The following AGBL1 variants were observed in gnomAD, a reference collection of about 807,000 sequenced individuals.
AGBL1 encodes the protein AGBL carboxypeptidase 1.
Under a neutral mutation model 118.9 loss-of-function variants are expected in AGBL1, and 130 were observed. That is an observed-to-expected ratio of 1.09 (90% CI 0.95 to 1.26). AGBL1 has a LOEUF of 1.26. Ranked by LOEUF, AGBL1 falls within the 50% of genes most tolerant of loss-of-function variation. The pLI, the probability that AGBL1 is intolerant of heterozygous loss-of-function variation, is 0.00. For synonymous variants in AGBL1, 555 were observed against 478.9 expected (o/e 1.16, Z -2.08); for missense variants, 1,584 against 1,298.1 (o/e 1.22, Z -3.38).
intron 17 of AGBL1, among the ~76,000 whole-genome samples, chr15:86,320,951 A>C (rs1318222007): frequency 6.6e-6 from 1 of 152,128 alleles, no homozygotes; most frequent in Non-Finnish European, 1.5e-5. Flanking sequence ...GAATAAATCC[A>C]TTTGTCATCA....
rs187580716 is a variant in AGBL1, at chr15:87,008,846, A to G, written c.3324-19979A>G. On this transcript the variant is annotated intron_variant, in intron 24 of 24. Coordinates refer to the AGBL1 transcript ENST00000441037. ...CCCCTGCCCTAGAGATTTGTGGAACACTGAACTTCAGAGAGATGATTTAGG... is the reference window on the plus strand; with the variant it reads ...CCCCTGCCCTAGAGATTTGTGGAACGCTGAACTTCAGAGAGATGATTTAGG... Among the ~76,000 whole-genome samples the G allele has an allele frequency of 3.9e-4, 59 of 152,314 alleles. No individual in the cohort carries two copies. In the East Asian group the frequency reaches 9.9e-3, roughly 25 times the overall value.
intron 22 of AGBL1, among the ~76,000 whole-genome samples, chr15:86,754,842 C>T (rs2077912231): frequency 6.6e-6 from 1 of 152,070 alleles, no homozygotes; most frequent in Non-Finnish European, 1.5e-5. Flanking sequence ...CAAGAGAAAA[C>T]CCAATCTGTC....
At chr15:86,426,038 T>C (rs750033821) in intron 18 of AGBL1, among the ~76,000 whole-genome samples, 3 of 152,174 alleles carry the variant, frequency 2.0e-5, no homozygotes, top group Admixed American at 1.3e-4. Flanking sequence ...AACATTTTTT[T>C]CAAAGCATCA....
At chr15:86,485,892 C>T (rs1439578004) in intron 18 of AGBL1, among the ~76,000 whole-genome samples, 1 of 152,092 alleles carries the variant, frequency 6.6e-6, no homozygotes, top group Non-Finnish European at 1.5e-5. Context: ...CAAAGCTCTT[C>T]ACAAACCTTG....
chr15:87,022,430 A>G (rs1186188637), intron 24 of AGBL1, among the ~76,000 whole-genome samples: 3 of 152,248 alleles, frequency 2.0e-5, no homozygotes, highest in East Asian at 1.9e-4. Context: ...GAAAATATGA[A>G]TAAAGCCTCC....
intron 21 of AGBL1, among the ~76,000 whole-genome samples, chr15:86,622,684 C>A (rs1456174515): frequency 6.6e-6 from 1 of 152,106 alleles, no homozygotes; most frequent in Non-Finnish European, 1.5e-5. Context: ...ACCAGCAATC[C>A]TCAACCATTT....
At chr15:86,722,626 G>A (rs571654374) in intron 22 of AGBL1, among the ~76,000 whole-genome samples, 1 of 152,248 alleles carries the variant, frequency 6.6e-6, no homozygotes, top group Non-Finnish European at 1.5e-5. Flanking sequence ...AACACCAAAA[G>A]CAATGGCAAC....
intron 22 of AGBL1, among the ~76,000 whole-genome samples, chr15:86,676,820 T>A (rs1180094813): frequency 7.9e-5 from 12 of 152,074 alleles, no homozygotes; most frequent in Admixed American, 7.9e-4. Context: ...ACTACAAGAA[T>A]GGCTGGGTGC....
intron 17 of AGBL1, among the ~76,000 whole-genome samples, chr15:86,396,391 C>G (rs188418135): frequency 6.6e-6 from 1 of 152,122 alleles, no homozygotes; most frequent in Admixed American, 6.6e-5. Flanking sequence ...ACATTCCTAT[C>G]TTTCCCTCAT....
intron 5 of AGBL1, among the ~76,000 whole-genome samples, chr15:86,175,026 G>A (rs1381291183): frequency 6.6e-6 from 1 of 152,098 alleles, no homozygotes; most frequent in Non-Finnish European, 1.5e-5. Context: ...TGTAGAATGA[G>A]TTAGGAAGAA....
intron 17 of AGBL1, among the ~76,000 whole-genome samples, chr15:86,388,388 C>A (rs1016148687): frequency 6.6e-6 from 1 of 152,046 alleles, no homozygotes; most frequent in Non-Finnish European, 1.5e-5. Context: ...CTGAAGGAAC[C>A]AATAGAATTA....
chr15:86,311,678 A>G (rs1004782525), intron 17 of AGBL1, among the ~76,000 whole-genome samples: 7 of 152,092 alleles, frequency 4.6e-5, no homozygotes, highest in African/African-American at 1.7e-4. Context: ...TTGTAAGATG[A>G]CTAATTTACC....
At chr15:86,717,300 CAG>C (rs1172270675) in intron 22 of AGBL1, among the ~76,000 whole-genome samples, 1 of 152,064 alleles carries the variant, frequency 6.6e-6, no homozygotes, top group Non-Finnish European at 1.5e-5. Flanking sequence ...ATTCATATAT[CAG>C]GGGCAAAAGC....
intron 5 of AGBL1, among the ~76,000 whole-genome samples, chr15:86,188,519 TA>T (rs1293185421): frequency 6.6e-6 from 1 of 152,216 alleles, no homozygotes. Flanking sequence ...ATTCAGGCTA[TA>T]AACTTTCTGC....
chr15:86,785,221 C>T (rs533702528), intron 22 of AGBL1, among the ~76,000 whole-genome samples: 3 of 152,044 alleles, frequency 2.0e-5, no homozygotes, highest in Admixed American at 2.0e-4. Flanking sequence ...GCTTAAGTGT[C>T]TGGGTAGGAG....
At chr15:86,616,406 G>A (rs2084726764) in intron 21 of AGBL1, among the ~76,000 whole-genome samples, 1 of 151,486 alleles carries the variant, frequency 6.6e-6, no homozygotes, top group South Asian at 2.1e-4. Flanking sequence ...GATTAGATTG[G>A]TGGTCATTGT....
intron 22 of AGBL1, among the ~76,000 whole-genome samples, chr15:86,829,164 T>G (rs535649267): frequency 6.6e-6 from 1 of 152,166 alleles, no homozygotes; most frequent in African/African-American, 2.4e-5. Flanking sequence ...GGATGCAGTC[T>G]CTACCATGTG....
At chr15:86,930,007 G>A (rs2080586565) in intron 23 of AGBL1, among the ~76,000 whole-genome samples, 1 of 152,104 alleles carries the variant, frequency 6.6e-6, no homozygotes, top group Non-Finnish European at 1.5e-5. Context: ...TGTGTAAATT[G>A]TCTATCATGC....
At chr15:86,880,849 C>T (rs1345601161) in intron 22 of AGBL1, among the ~76,000 whole-genome samples, 6 of 152,120 alleles carry the variant, frequency 3.9e-5, no homozygotes, top group African/African-American at 1.4e-4. Context: ...TTACTCTTCT[C>T]CTGCAGCCTT....
Sources: allele counts gnomAD v4.1 joint callset (sites outside exome capture counted in the v4.1 genomes callset), GRCh38; gene constraint gnomAD v4.1.1; transcripts MANE v1.5; gene names NCBI Gene and HGNC (gene_info 2026-07-23, HGNC 2026-07-21).